Variants in MCPH1 observed in about 807,000 individuals in gnomAD.
The protein encoded by MCPH1 is microcephalin 1.
Under a neutral mutation model 84.5 loss-of-function variants are expected in MCPH1, and 104 were observed. The ratio of observed to expected loss-of-function variants is 1.23; its 90% CI spans 1.05 to 1.45. MCPH1 has a LOEUF of 1.45. MCPH1 is among the 40% of genes most tolerant of loss of function. The probability of loss-of-function intolerance (pLI) is 0.00; values close to 1 mark genes in which losing one functional copy is unlikely to be tolerated. For missense variants in MCPH1, 1,498 were observed against 1,005.7 expected (o/e 1.49, Z -6.62); for synonymous variants, 514 against 366.8 (o/e 1.40, Z -4.58).
At chr8:6,499,669 T>C in intron 11 of MCPH1, 183 bp from the exon 12 acceptor site, 1 of 571,182 alleles carries the variant, frequency 1.8e-6, no homozygotes, top group Non-Finnish European at 3.1e-6. Flanking sequence ...AATCAACTTT[T>C]TATTAATATT....
At chr8:6,500,299 G>T (rs1044534116) in intron 12 of MCPH1, 1 of 200,198 alleles carries the variant, frequency 5.0e-6, no homozygotes, top group African/African-American at 2.3e-5. Flanking sequence ...GCTTGCTGGT[G>T]CTGTGATAAC....
At chr8:6,549,437 T>C (rs1823204006) in intron 12 of MCPH1, among the ~76,000 whole-genome samples, 1 of 152,134 alleles carries the variant, frequency 6.6e-6, no homozygotes, top group South Asian at 2.1e-4. Flanking sequence ...AGGATTGGCG[T>C]TGAGAAGAGG....
At position 6,566,993 on chromosome 8, in the gene MCPH1, T is replaced by C. The variant is rs1826230519; in HGVS notation, c.2215-54461T>C. On this transcript the variant is annotated intron_variant, in intron 12 of 13. Transcript: ENST00000344683. Reference sequence around the variant, plus strand: ...TAGTACACGCGGTGCGGTGACGGTGTGTGATCGGCAAGGCCATAGATAGTG... The same window carrying C: ...TAGTACACGCGGTGCGGTGACGGTGCGTGATCGGCAAGGCCATAGATAGTG... Among the ~76,000 whole-genome samples, 2 of 140,284 alleles carry C rather than the reference T, an allele frequency of 1.4e-5. 1 individual carries two copies. The highest frequency in any genetic ancestry group is 1.4e-4 in the Admixed American group (2 of 14,308). The allele number at this position is 140,284 out of a possible 152,430, so 92.0% of individuals were successfully genotyped here.
intron 12 of MCPH1, among the ~76,000 whole-genome samples, chr8:6,569,437 C>T (rs1042523654): frequency 6.6e-6 from 1 of 152,198 alleles, no homozygotes; most frequent in Non-Finnish European, 1.5e-5. Flanking sequence ...CATCATGTTA[C>T]ACTAGTGTTA....
chr8:6,505,277 C>T (rs1435997565), intron 12 of MCPH1, among the ~76,000 whole-genome samples: 4,729 of 27,606 alleles, frequency 0.17, 917 homozygotes, highest in East Asian at 0.37. Context: ...TATATGTATA[C>T]ATATATATGT....
chr8:6,407,121 C>G, intron 1 of MCPH1: 1 of 270,736 alleles, frequency 3.7e-6, no homozygotes, highest in South Asian at 3.5e-5. Flanking sequence ...GGATCTGGGG[C>G]TCACTGGCAG....
At chr8:6,465,920 T>TATCCATCC (rs1554499807) in intron 9 of MCPH1, among the ~76,000 whole-genome samples, 1 of 92,044 alleles carries the variant, frequency 1.1e-5, no homozygotes, top group South Asian at 4.2e-4. Flanking sequence ...CAATTTTATC[T>TATCCATCC]ATCGATCCAT....
At chr8:6,626,378 T>C in intron 13 of MCPH1, 1 of 985,232 alleles carries the variant, frequency 1.0e-6, no homozygotes, top group Non-Finnish European at 1.2e-6. Context: ...CCCTGGAGTC[T>C]TTTTTCCCTG....
intron 12 of MCPH1, among the ~76,000 whole-genome samples, chr8:6,547,583 C>T (rs1041801190): frequency 2.6e-5 from 4 of 152,200 alleles, no homozygotes; most frequent in Non-Finnish European, 5.9e-5. Flanking sequence ...CTTTGGACCA[C>T]CGTAGAATGG....
At chr8:6,617,900 A>ATCTAATCTATCTATCTATCTATCT (rs1554480975) in intron 12 of MCPH1, among the ~76,000 whole-genome samples, 6 of 143,134 alleles carry the variant, frequency 4.2e-5, no homozygotes, top group East Asian at 2.1e-4. Context: ...CTATCTATCT[A>ATCTAATCTATCTATCTATCTATCT]ATCTATCTAT....
At chr8:6,599,618 A>C (rs940929293) in intron 12 of MCPH1, among the ~76,000 whole-genome samples, 1 of 152,244 alleles carries the variant, frequency 6.6e-6, no homozygotes, top group Non-Finnish European at 1.5e-5. Context: ...GAAGTTCAGA[A>C]GCTTAGTACA....
At chr8:6,642,291 T>A (rs146685874) in intron 13 of MCPH1, among the ~76,000 whole-genome samples, 1 of 152,074 alleles carries the variant, frequency 6.6e-6, no homozygotes, top group Admixed American at 6.5e-5. Context: ...AGGAATAGAA[T>A]GCAGTGCGCT....
chr8:6,527,949 G>C (rs1818681955), intron 12 of MCPH1, among the ~76,000 whole-genome samples: 1 of 142,848 alleles, frequency 7.0e-6, no homozygotes, highest in South Asian at 2.3e-4. Context: ...GGGGTGGAGT[G>C]CAGTGGCATG....
Position 6,444,786 on chromosome 8 carries a change from A to T in MCPH1, c.1064A>T (p.Lys355Met), listed in dbSNP as rs763298630. 2.4e-5 allele frequency: 39 copies of T among 1,614,088 alleles called. 1 individual carries two copies. In the South Asian group the frequency reaches 3.6e-4, roughly 15 times the overall value. ...IHSRPRSSSV[K>M]RKRVSHGSHS... The stretch of plus-strand genomic sequence containing the variant: ...TCAAGACCCAGGAGTTCCTCAGTAA[A>T]GAGAAAAAGAGTATCACATGGCTCC... Residue 355 changes from lysine to methionine, a missense_variant, in exon 8 of 14, where the codon AAG (lysine) becomes ATG (methionine). Physicochemically the swap from Lys to Met is moderately conservative, Grantham distance 95. Transcript: ENST00000344683.
intron 12 of MCPH1, among the ~76,000 whole-genome samples, chr8:6,524,135 G>C (rs916035490): frequency 6.6e-6 from 1 of 152,122 alleles, no homozygotes; most frequent in African/African-American, 2.4e-5. Context: ...CCAATATAAA[G>C]TTTAGTACAC....
At chr8:6,611,739 C>G (rs1830289359) in intron 12 of MCPH1, among the ~76,000 whole-genome samples, 1 of 152,238 alleles carries the variant, frequency 6.6e-6, no homozygotes, top group Non-Finnish European at 1.5e-5. Context: ...CTGCCTCAGC[C>G]TCCCCAGTAG....
chr8:6,609,823 C>CT (rs761755879), intron 12 of MCPH1, among the ~76,000 whole-genome samples: 2 of 126,494 alleles, frequency 1.6e-5, no homozygotes, highest in Non-Finnish European at 3.8e-5. Flanking sequence ...CCCCCCGCCC[C>CT]CCCCCCACAC....
At chr8:6,479,637 A>G (rs905797973) in intron 10 of MCPH1, among the ~76,000 whole-genome samples, 13 of 151,800 alleles carry the variant, frequency 8.6e-5, no homozygotes, top group African/African-American at 2.2e-4. Context: ...GCGTTTCACC[A>G]TGTTGTTGTA....
chr8:6,560,329 TA>T (rs1171861857), intron 12 of MCPH1, among the ~76,000 whole-genome samples: 2 of 152,232 alleles, frequency 1.3e-5, no homozygotes, highest in African/African-American at 4.8e-5. Flanking sequence ...GTTGTAATGA[TA>T]ACCCTTTAAC....
Sources: gnomAD v4.1 joint callset for allele counts (sites outside exome capture counted in the v4.1 genomes callset) on GRCh38, gnomAD v4.1.1 for gene constraint, MANE v1.5 for transcripts, NCBI Gene and HGNC (gene_info 2026-07-23, HGNC 2026-07-21) for gene names.